The following KCNC1 variants were observed in gnomAD, a reference collection of about 807,000 sequenced individuals.
KCNC1 encodes voltage-gated potassium channel KCNC1.
A neutral mutation model predicts 43.4 loss-of-function variants in KCNC1; 8 were observed. The observed-to-expected ratio is 0.18, with a 90% CI of 0.11 to 0.33. The LOEUF is 0.33. Among genes scored for constraint, KCNC1 ranks in the 10% least tolerant of loss-of-function variants. KCNC1 has a pLI of 1.00. For missense variants in KCNC1, 420 were observed against 836.0 expected, an observed-to-expected ratio of 0.50 and a Z score of 6.14; for synonymous variants, 361 against 360.5, an observed-to-expected ratio of 1.00 and a Z score of -0.01.
At chr11:17,747,686 G>C (rs1190697865) in intron 1 of KCNC1, among the ~76,000 whole-genome samples, 3 of 152,218 alleles carry the variant, frequency 2.0e-5, no homozygotes, top group Non-Finnish European at 4.4e-5. Flanking sequence ...TGAGCTCAGG[G>C]GGGCTCAGGA....
At chr11:17,751,974 A>T (rs1848974586) in intron 1 of KCNC1, among the ~76,000 whole-genome samples, 1 of 152,164 alleles carries the variant, frequency 6.6e-6, no homozygotes, top group Non-Finnish European at 1.5e-5. Flanking sequence ...CCAGCTGCAG[A>T]GAAGGTGCTG....
At chr11:17,754,274 A>G (rs1267002115) in intron 1 of KCNC1, among the ~76,000 whole-genome samples, 1 of 152,260 alleles carries the variant, frequency 6.6e-6, no homozygotes, top group Admixed American at 6.5e-5. Flanking sequence ...CAATGAGAGC[A>G]TAGCTGAAAG....
rs754387189 is a variant in KCNC1, at chr11:17,771,659, C to T, written c.571-6C>T. The T allele has an allele frequency of 6.2e-7, 1 of 1,600,500 alleles. No homozygotes were observed. The highest frequency in any genetic ancestry group is 8.5e-7 in the Non-Finnish European group (1 of 1,169,748). On this transcript the variant is annotated splice_polypyrimidine_tract_variant and splice_region_variant and intron_variant, in intron 1 of 3. Coordinates refer to ENST00000265969, the MANE Select transcript of KCNC1 (RefSeq NM_001112741.2). This position sits in a 1 kb window ranked among gnomAD's most constrained non-coding sequence, Gnocchi z 4.7. ...TCCCTCTGACACTGTGTCTTTATCC[C>T]CACAGTATGTGGCCTTCGCTTCCCT...
rs889908683 is a variant in KCNC1 at position 17,782,073 on chromosome 11, A to G, written c.*339A>G. 3 of 267,072 alleles carry G rather than the reference A, an allele frequency of 1.1e-5. No homozygotes were observed. The highest frequency in any genetic ancestry group is 1.4e-5 in the Non-Finnish European group (2 of 143,234). The allele number at this position is 267,072 out of a possible 1,614,324, so 16.5% of individuals were successfully genotyped here. A position where few individuals can be genotyped will look rare whatever the true frequency, so the allele number is the denominator to read the frequency against. The stretch of plus-strand genomic sequence containing the variant: ...AACTGTATGATTACCCTGAACAACA[A>G]TAATGAAAAGAAAAACATCAAAGCC... On this transcript the variant is annotated 3_prime_UTR_variant, in exon 4 of 4. Coordinates refer to ENST00000265969, the MANE Select transcript of KCNC1 (RefSeq NM_001112741.2).
intron 1 of KCNC1, among the ~76,000 whole-genome samples, chr11:17,747,925 C>G (rs377359978): frequency 1.3e-5 from 2 of 152,324 alleles, no homozygotes; most frequent in African/African-American, 4.8e-5. Flanking sequence ...CTCCTCTCCC[C>G]ACACTCCCGC....
intron 1 of KCNC1, among the ~76,000 whole-genome samples, chr11:17,755,330 G>A (rs10766432): frequency 0.53 from 79,951 of 151,972 alleles, 23,245 homozygotes; most frequent in East Asian, 0.88. Flanking sequence ...GAAATAGGGC[G>A]CCAGTGCAGG....
chr11:17,767,047 G>C (rs189823726), intron 1 of KCNC1, among the ~76,000 whole-genome samples: 20 of 151,104 alleles, frequency 1.3e-4, no homozygotes, highest in Non-Finnish European at 2.7e-4. Flanking sequence ...GCAGAGAATC[G>C]CTTGAACCCA....
intron 1 of KCNC1, among the ~76,000 whole-genome samples, chr11:17,749,557 A>T (rs757513): frequency 6.6e-6 from 1 of 152,170 alleles, no homozygotes; most frequent in Non-Finnish European, 1.5e-5. Flanking sequence ...ACAGCCACCC[A>T]CCAGGGCCAG....
chr11:17,736,660 C>A lies in KCNC1; in HGVS notation c.570+88C>A, dbSNP rs1565152941. On this transcript the variant is annotated intron_variant, in intron 1 of 3. Coordinates refer to ENST00000265969, the MANE Select transcript of KCNC1 (RefSeq NM_001112741.2). This position sits in a 1 kb window ranked among gnomAD's most constrained non-coding sequence, Gnocchi z 9.3. ...GGGCAGGGGTGGACCGGAGAACTGG[C>A]GCCTAGGGAGTTCAGAATCGAAAGG... 4 of 1,438,452 alleles carry A rather than the reference C, an allele frequency of 2.8e-6. No individual in the cohort carries two copies. The highest frequency in any genetic ancestry group is 2.7e-6 in the Non-Finnish European group (3 of 1,102,268). 89.1% of individuals were successfully genotyped at this position (1,438,452 alleles called of 1,614,324 possible). A position where few individuals can be genotyped will look rare whatever the true frequency, so the allele number is the denominator to read the frequency against.
At chr11:17,778,006 C>G (rs1031306481) in intron 2 of KCNC1, among the ~76,000 whole-genome samples, 11 of 152,186 alleles carry the variant, frequency 7.2e-5, no homozygotes, top group Admixed American at 7.2e-4. Context: ...TCCCCCCACT[C>G]TACTCTTTCA....
chr11:17,780,402 G>A (rs1421134357), intron 3 of KCNC1: 5 of 152,548 alleles, frequency 3.3e-5, no homozygotes, highest in Non-Finnish European at 7.3e-5. Flanking sequence ...CCCCACTGGA[G>A]AGAGAGGCTT....
chr11:17,765,299 C>G lies in KCNC1; in HGVS notation c.571-6366C>G, dbSNP rs150260289. ...CCCAAGGCGAACCCCCGAACAGCTC[C>G]GATCCGAAAGGCAAGCACAATTTTC... On this transcript the variant is annotated intron_variant, in intron 1 of 3. Coordinates refer to ENST00000265969, the MANE Select transcript of KCNC1 (RefSeq NM_001112741.2). Among the ~76,000 whole-genome samples, 1,190 of 152,278 alleles carry G rather than the reference C, an allele frequency of 7.8e-3. 11 individuals are homozygous for G. Among genetic ancestry groups the G allele is most frequent in the Non-Finnish European group, 8.4e-3 (572 of 68,024 alleles).
intron 1 of KCNC1, among the ~76,000 whole-genome samples, chr11:17,756,044 G>T (rs369996711): frequency 6.6e-6 from 1 of 152,176 alleles, no homozygotes; most frequent in African/African-American, 2.4e-5. Flanking sequence ...GCAAGAAGAA[G>T]GAGGGAGGGA....
chr11:17,754,423 G>A (rs748974802), intron 1 of KCNC1, among the ~76,000 whole-genome samples: 1 of 152,230 alleles, frequency 6.6e-6, no homozygotes, highest in Non-Finnish European at 1.5e-5. Context: ...TACATTGCCA[G>A]GGTAGACGCA....
chr11:17,777,528 C>A lies in KCNC1; in HGVS notation c.1505-1928C>A. Reference sequence around the variant, plus strand: ...GGAGACCCTTGGATGGAAGACTGGGCCAGCCAGAGTGGGAGGCAGGACCAG... The same window carrying A: ...GGAGACCCTTGGATGGAAGACTGGGACAGCCAGAGTGGGAGGCAGGACCAG... On this transcript the variant is annotated intron_variant, in intron 2 of 3. Transcript: ENST00000265969. The surrounding 1 kb of genome is among the most constrained non-coding windows in gnomAD (Gnocchi z 4.3). The A allele has an allele frequency of 1.0e-6, 1 of 985,980 alleles. No homozygotes were observed. The highest frequency in any genetic ancestry group is 1.2e-6 in the Non-Finnish European group (1 of 830,022). The allele number at this position is 985,980 out of a possible 1,614,324, so 61.1% of individuals were successfully genotyped here.
Position 17,735,813 on chromosome 11 carries a change from G to C in KCNC1, c.-190G>C, listed in dbSNP as rs945260137. 3 of 559,140 alleles carry C rather than the reference G, an allele frequency of 5.4e-6. No individual in the cohort carries two copies. Among genetic ancestry groups the C allele is most frequent in the African/African-American group, 2.0e-5 (1 of 49,074 alleles). The allele number at this position is 559,140 out of a possible 1,614,324, so 34.6% of individuals were successfully genotyped here. On this transcript the variant is annotated 5_prime_UTR_variant, in exon 1 of 4. Coordinates refer to ENST00000265969, the MANE Select transcript of KCNC1 (RefSeq NM_001112741.2). This position sits in a 1 kb window ranked among gnomAD's most constrained non-coding sequence, Gnocchi z 6.7. ...GATCCCGCGCACATTCCCCTGGACC[G>C]GCACCCGACAAAGCGCCCGGAGAGG...
At position 17,739,673 on chromosome 11, in the gene KCNC1, C is replaced by G. The variant is rs1474035780; in HGVS notation, c.570+3101C>G. Among the ~76,000 whole-genome samples, 1 of 143,002 alleles carries G rather than the reference C, an allele frequency of 7.0e-6. No homozygotes were observed. The allele number at this position is 143,002 out of a possible 152,430, so 93.8% of individuals were successfully genotyped here. On this transcript the variant is annotated intron_variant, in intron 1 of 3. Transcript: ENST00000265969. The surrounding 1 kb of genome is among the most constrained non-coding windows in gnomAD (Gnocchi z 4.2). Reference sequence around the variant, plus strand: ...GTATATGTGGAGCTCATGTGTGAGTCTGTGTGTGTGTGTGTGTGTGTGTGT... The same window carrying G: ...GTATATGTGGAGCTCATGTGTGAGTGTGTGTGTGTGTGTGTGTGTGTGTGT...
chr11:17,767,685 G>T (rs1849169805), intron 1 of KCNC1, among the ~76,000 whole-genome samples: 2 of 152,250 alleles, frequency 1.3e-5, no homozygotes, highest in Admixed American at 1.3e-4. Context: ...TGTTGCTGGG[G>T]CTCTGCCTGT....
intron 2 of KCNC1, chr11:17,775,281 T>C: frequency 1.1e-6 from 1 of 935,854 alleles, no homozygotes; most frequent in East Asian, 1.2e-4. Context: ...TCTGAGGGCA[T>C]CCCTCCCGCC....
Sources: gnomAD v4.1 joint callset for allele counts (sites outside exome capture counted in the v4.1 genomes callset) on GRCh38, gnomAD v4.1.1 for gene constraint, Gnocchi (gnomAD v3.1) non-coding constraint, MANE v1.5 for transcripts, NCBI Gene and HGNC (gene_info 2026-07-23, HGNC 2026-07-21) for gene names.